MEIS2: variants seen among roughly 807,000 people sequenced by gnomAD.
The protein encoded by MEIS2 is Meis homeobox 2.
A neutral mutation model predicts 58.6 loss-of-function variants in MEIS2; 9 were observed. The observed-to-expected ratio is 0.15, with a 90% CI of 0.09 to 0.27. The LOEUF (loss-of-function observed/expected upper bound fraction) is 0.27, where lower values mean the gene tolerates loss of function less well. MEIS2 is among the 10% of genes least tolerant of loss of function. The pLI is 1.00. For synonymous variants in MEIS2, 221 were observed against 228.4 expected (o/e 0.97, Z 0.29); for missense variants, 427 against 635.0 (o/e 0.67, Z 3.52).
intron 7 of MEIS2, among the ~76,000 whole-genome samples, chr15:37,037,471 A>G (rs1287464951): frequency 1.3e-5 from 2 of 152,010 alleles, no homozygotes; most frequent in Admixed American, 6.6e-5. Flanking sequence ...CACTTCTCAT[A>G]TGACCCTGCA....
At chr15:36,960,197 G>A (rs76276884) in intron 8 of MEIS2, among the ~76,000 whole-genome samples, 1 of 151,940 alleles carries the variant, frequency 6.6e-6, no homozygotes, top group African/African-American at 2.4e-5. Flanking sequence ...ACAACAGATA[G>A]CTAACATGGA....
chr15:37,060,743 C>T (rs1247497187), intron 7 of MEIS2, among the ~76,000 whole-genome samples: 1 of 152,140 alleles, frequency 6.6e-6, no homozygotes, highest in Non-Finnish European at 1.5e-5. Context: ...ATTTCTGTTA[C>T]TGTGAATCTG....
At chr15:37,061,249 G>A (rs1217630140) in intron 7 of MEIS2, among the ~76,000 whole-genome samples, 3 of 152,114 alleles carry the variant, frequency 2.0e-5, no homozygotes, top group African/African-American at 7.2e-5. Context: ...TCAAACAGAC[G>A]GAAGATGGGG....
At position 37,006,410 on chromosome 15, in the gene MEIS2, A is replaced by G. The variant is rs112724212; in HGVS notation, c.900+30404T>C. Among the ~76,000 whole-genome samples the G allele has an allele frequency of 5.3e-5, 8 of 152,352 alleles. 1 individual carries two copies. The highest frequency in any genetic ancestry group is 1.9e-4 in the African/African-American group (8 of 41,590). ...AATGGTTACAATTTCTATTATCTGG[A>G]GAAATTAAGATGTCAGCTTTTCTAA... On this transcript the variant is annotated intron_variant, in intron 8 of 11. Coordinates refer to ENST00000561208, the MANE Select transcript of MEIS2 (RefSeq NM_170675.5).
chr15:36,903,576 G>T (rs2056584236), intron 9 of MEIS2, among the ~76,000 whole-genome samples: 1 of 152,148 alleles, frequency 6.6e-6, no homozygotes, highest in Non-Finnish European at 1.5e-5. Context: ...ACACCTACAA[G>T]TTTATTTAAC....
chr15:37,099,054 C>G lies in MEIS2; in HGVS notation c.12+401G>C, dbSNP rs1167044890. The G allele has an allele frequency of 3.0e-6, 3 of 983,908 alleles. No homozygotes were observed. The East Asian group carries it at 3.4e-4, about 111-fold the overall frequency. 60.9% of individuals were successfully genotyped at this position (983,908 alleles called of 1,614,324 possible). ...CGGCGGCTCCTACGCAGCCCGTGCC[C>G]GCCCCGAGCCGCGCGAGCCACGGCG... On this transcript the variant is annotated intron_variant, in intron 1 of 11. Coordinates refer to ENST00000561208, the MANE Select transcript of MEIS2 (RefSeq NM_170675.5).
At chr15:36,913,700 T>C (rs776365951) in intron 9 of MEIS2, among the ~76,000 whole-genome samples, 2 of 151,944 alleles carry the variant, frequency 1.3e-5, no homozygotes, top group Non-Finnish European at 2.9e-5. Context: ...CTTGTGACCT[T>C]AAATCCCACT....
At chr15:37,015,613 G>A (rs183079796) in intron 8 of MEIS2, among the ~76,000 whole-genome samples, 18 of 152,108 alleles carry the variant, frequency 1.2e-4, no homozygotes, top group South Asian at 1.0e-3. Flanking sequence ...GGTGGCAGGG[G>A]GAGCATCTGG....
At chr15:37,068,427 G>C (rs899065163) in intron 7 of MEIS2, among the ~76,000 whole-genome samples, 1 of 152,154 alleles carries the variant, frequency 6.6e-6, no homozygotes, top group African/African-American at 2.4e-5. Flanking sequence ...CCCTAATGAG[G>C]AACGAAACCC....
intron 9 of MEIS2, among the ~76,000 whole-genome samples, chr15:36,930,302 T>C (rs1185638234): frequency 6.7e-6 from 1 of 148,578 alleles, no homozygotes; most frequent in Non-Finnish European, 1.5e-5. Context: ...GGAATGGTTA[T>C]ATAAAACATT....
At chr15:37,085,768 C>A (rs1358463201) in intron 6 of MEIS2, among the ~76,000 whole-genome samples, 1 of 152,074 alleles carries the variant, frequency 6.6e-6, no homozygotes, top group Non-Finnish European at 1.5e-5. Context: ...TTTTCTGCTG[C>A]CTGTAGAAAG....
intron 7 of MEIS2, among the ~76,000 whole-genome samples, chr15:37,074,328 C>T (rs1422788505): frequency 1.3e-5 from 2 of 151,946 alleles, no homozygotes; most frequent in Non-Finnish European, 2.9e-5. Flanking sequence ...AAGAAAAAGG[C>T]TCTCCTGGCA....
chr15:36,918,996 G>A (rs1399758971), intron 9 of MEIS2, among the ~76,000 whole-genome samples: 2 of 152,084 alleles, frequency 1.3e-5, no homozygotes, highest in African/African-American at 4.8e-5. Context: ...ATTGGCTCAT[G>A]CCTGTAATTC....
At chr15:37,057,171 T>A (rs576365791) in intron 7 of MEIS2, among the ~76,000 whole-genome samples, 3 of 152,288 alleles carry the variant, frequency 2.0e-5, no homozygotes, top group Admixed American at 6.5e-5. Context: ...ATGCAGCTGT[T>A]TTATTCTGCT....
At chr15:36,976,495 T>A (rs1362446717) in intron 8 of MEIS2, among the ~76,000 whole-genome samples, 2 of 148,442 alleles carry the variant, frequency 1.3e-5, no homozygotes, top group Non-Finnish European at 3.0e-5. Context: ...ATTATATGTA[T>A]ATAATTATAT....
At chr15:36,919,241 G>C (rs1186849718) in intron 9 of MEIS2, among the ~76,000 whole-genome samples, 1 of 152,038 alleles carries the variant, frequency 6.6e-6, no homozygotes, top group African/African-American at 2.4e-5. Flanking sequence ...ATAAATTTTT[G>C]GACAAATACT....
chr15:36,984,536 A>G (rs2060034118), intron 8 of MEIS2, among the ~76,000 whole-genome samples: 1 of 152,070 alleles, frequency 6.6e-6, no homozygotes, highest in Non-Finnish European at 1.5e-5. Flanking sequence ...CACCAGGCAT[A>G]TTAGCTTGTA....
chr15:36,997,407 T>C (rs568894779), intron 8 of MEIS2, among the ~76,000 whole-genome samples: 5 of 152,092 alleles, frequency 3.3e-5, no homozygotes, highest in African/African-American at 4.8e-5. Flanking sequence ...GGAAAGGAAA[T>C]CCCAGTGTCA....
intron 8 of MEIS2, among the ~76,000 whole-genome samples, chr15:36,986,470 C>G (rs896992364): frequency 1.3e-5 from 2 of 152,212 alleles, no homozygotes. Context: ...CCCACATTGC[C>G]TCAGCAATGG....
Sources: gnomAD v4.1 joint callset for allele counts (sites outside exome capture counted in the v4.1 genomes callset) on GRCh38, gnomAD v4.1.1 for gene constraint, MANE v1.5 for transcripts, NCBI Gene and HGNC (gene_info 2026-07-23, HGNC 2026-07-21) for gene names.